The following DRAM1 variants were observed in gnomAD, a reference collection of about 807,000 sequenced individuals.
DRAM1 encodes the protein DNA damage-regulated autophagy modulator protein 1.
Under a neutral mutation model 28.5 loss-of-function variants are expected in DRAM1, and 25 were observed. The ratio of observed to expected loss-of-function variants is 0.88; its 90% CI spans 0.64 to 1.23. The LOEUF (loss-of-function observed/expected upper bound fraction) is 1.23, where lower values mean the gene tolerates loss of function less well. DRAM1 is among the 50% of genes most tolerant of loss of function. DRAM1 has a pLI of 0.00. For missense variants in DRAM1, 249 were observed against 299.2 expected (o/e 0.83, Z 1.24); for synonymous variants, 113 against 114.2 (o/e 0.99, Z 0.07).
chr12:101,887,944 G>A (rs11836291), intron 1 of DRAM1, among the ~76,000 whole-genome samples: 1,909 of 152,178 alleles, frequency 0.013, 42 homozygotes, highest in African/African-American at 0.044. Flanking sequence ...GTAACAATGA[G>A]TACCAGGATA....
At chr12:101,900,690 G>A (rs1051949592) in intron 2 of DRAM1, among the ~76,000 whole-genome samples, 12 of 152,174 alleles carry the variant, frequency 7.9e-5, no homozygotes, top group South Asian at 2.1e-4. Flanking sequence ...ACAATTGCTC[G>A]CAAATTCTGC....
chr12:101,907,320 G>A (rs1873858264), intron 3 of DRAM1, among the ~76,000 whole-genome samples: 1 of 151,798 alleles, frequency 6.6e-6, no homozygotes, highest in African/African-American at 2.4e-5. Flanking sequence ...GATTATCAGG[G>A]AGCAGGGAGC....
chr12:101,901,194 A>G, intron 2 of DRAM1, 97 bp from the exon 3 acceptor site: 5 of 1,400,870 alleles, frequency 3.6e-6, no homozygotes, highest in Non-Finnish European at 4.8e-6. Flanking sequence ...GAGACTTGCA[A>G]TCAGTACATT....
At chr12:101,901,531 C>A in intron 3 of DRAM1, 98 bp downstream of exon 3, 1 of 1,388,698 alleles carries the variant, frequency 7.2e-7, no homozygotes, top group Non-Finnish European at 9.8e-7. Context: ...CCATTATAGC[C>A]ATTAAATGCT....
At chr12:101,920,292 A>AATTTATTT in intron 6 of DRAM1, 91 bp downstream of exon 6, 1 of 327,286 alleles carries the variant, frequency 3.1e-6, no homozygotes, top group South Asian at 6.5e-5. Flanking sequence ...TAAAAAGAGC[A>AATTTATTT]CTTTCTTTTT....
chr12:101,908,051 T>C, intron 3 of DRAM1, 135 bp from the exon 4 acceptor site: 1 of 751,648 alleles, frequency 1.3e-6, no homozygotes, highest in South Asian at 2.2e-5. Flanking sequence ...CTTTTGGTAG[T>C]CAAACAGCCA....
At chr12:101,894,204 A>G (rs1387259300) in intron 1 of DRAM1, among the ~76,000 whole-genome samples, 2 of 151,594 alleles carry the variant, frequency 1.3e-5, no homozygotes, top group African/African-American at 4.8e-5. Context: ...TGCAACCTCC[A>G]CCTCCCAGGT....
Position 101,921,211 on chromosome 12 carries a change from AAT to A in DRAM1, c.673-3_673-2del, listed in dbSNP as rs1874468813. ...TAAACCTTTCTCTTTCATTTTTAAA[AAT>A]AGAGTGTCACCCTAAGGATATCCAC... On this transcript the variant is annotated splice_polypyrimidine_tract_variant and splice_region_variant and intron_variant, in intron 6 of 6. Transcript: ENST00000258534. 6.3e-7 allele frequency: 1 copy of A among 1,593,166 alleles called. No individual in the cohort carries two copies. Among genetic ancestry groups the A allele is most frequent in the Admixed American group, 1.7e-5 (1 of 59,888 alleles).
intron 5 of DRAM1, among the ~76,000 whole-genome samples, chr12:101,916,430 G>A (rs867555070): frequency 1.1e-4 from 16 of 152,202 alleles, no homozygotes; most frequent in Non-Finnish European, 2.2e-4. Context: ...CTTGCACTCC[G>A]GTGGGCCTAG....
At chr12:101,914,264 C>T (rs759572688) in intron 5 of DRAM1, 32 bp downstream of exon 5, 56 of 1,572,192 alleles carry the variant, frequency 3.6e-5, no homozygotes, top group Middle Eastern at 1.7e-4. Flanking sequence ...ATGTGGTTGT[C>T]GGACGTGGTT....
chr12:101,895,196 T>TTTTTGTTTTTTGTTTTTTTTG, intron 1 of DRAM1, among the ~76,000 whole-genome samples: 1 of 127,780 alleles, frequency 7.8e-6, no homozygotes, highest in Non-Finnish European at 1.6e-5. Flanking sequence ...GTTTTTTTTT[T>TTTTTGTTTTTTGTTTTTTTTG]TTTTTTTTTT....
At chr12:101,879,610 C>G (rs1273080055) in intron 1 of DRAM1, among the ~76,000 whole-genome samples, 2 of 147,808 alleles carry the variant, frequency 1.4e-5, no homozygotes, top group African/African-American at 4.9e-5. Context: ...TTGGAAGAAA[C>G]CTAGGCTTGG....
intron 1 of DRAM1, among the ~76,000 whole-genome samples, chr12:101,885,941 G>A (rs1281216267): frequency 1.3e-5 from 2 of 152,210 alleles, no homozygotes; most frequent in African/African-American, 4.8e-5. Context: ...CACAGCATTT[G>A]TGATAGAGCC....
At chr12:101,912,423 T>G (rs1233982716) in intron 4 of DRAM1, among the ~76,000 whole-genome samples, 1 of 152,206 alleles carries the variant, frequency 6.6e-6, no homozygotes, top group Admixed American at 6.6e-5. Flanking sequence ...CTGGGTCTGG[T>G]CCAACAAAGT....
chr12:101,889,090 A>G (rs926884735), intron 1 of DRAM1, among the ~76,000 whole-genome samples: 1 of 152,134 alleles, frequency 6.6e-6, no homozygotes, highest in Non-Finnish European at 1.5e-5. Flanking sequence ...AGTGTGAGCC[A>G]CTGTGCCTGG....
Position 101,883,325 on chromosome 12 carries a change from T to C in DRAM1, c.131+5405T>C, listed in dbSNP as rs540845517. 9.4e-5 allele frequency among the ~76,000 whole-genome samples: 14 copies of C among 149,474 alleles called. 1 individual carries two copies. In the South Asian group the frequency reaches 3.0e-3, roughly 32 times the overall value. On this transcript the variant is annotated intron_variant, in intron 1 of 6. Coordinates refer to ENST00000258534, the MANE Select transcript of DRAM1 (RefSeq NM_018370.3). The stretch of plus-strand genomic sequence containing the variant: ...TTTTACCCAAATAGGTTTTTTTTTT[T>C]TTTTTTGAGATGGAGTTTCACTCTT...
At chr12:101,908,052 C>A in intron 3 of DRAM1, 134 bp from the exon 4 acceptor site, 1 of 760,562 alleles carries the variant, frequency 1.3e-6, no homozygotes, top group Non-Finnish European at 2.1e-6. Flanking sequence ...TTTTGGTAGT[C>A]AAACAGCCAC....
intron 3 of DRAM1, 35 bp downstream of exon 3, chr12:101,901,468 G>A: frequency 1.2e-6 from 2 of 1,610,370 alleles, no homozygotes; most frequent in Non-Finnish European, 8.5e-7. Context: ...ATGAGGAGTG[G>A]TGGAGTGTAT....
In DRAM1 at chr12:101,893,459, A is replaced by G. The variant is rs1005425490; in HGVS notation, c.132-4404A>G. Among the ~76,000 whole-genome samples the G allele has an allele frequency of 2.6e-5, 4 of 152,208 alleles. No individual in the cohort carries two copies. The South Asian group carries it at 6.2e-4, about 24-fold the overall frequency. ...GGCTGTTAAACACTGACCAGCATCTATATTAGTGTTTGCTCCCCGCCCCCA... is the reference window on the plus strand; with the variant it reads ...GGCTGTTAAACACTGACCAGCATCTGTATTAGTGTTTGCTCCCCGCCCCCA... On this transcript the variant is annotated intron_variant, in intron 1 of 6. Coordinates refer to ENST00000258534, the MANE Select transcript of DRAM1 (RefSeq NM_018370.3).
Sources: gnomAD v4.1 joint callset for allele counts (sites outside exome capture counted in the v4.1 genomes callset) on GRCh38, gnomAD v4.1.1 for gene constraint, MANE v1.5 for transcripts, NCBI Gene and HGNC (gene_info 2026-07-23, HGNC 2026-07-21) for gene names.